Variants in ZCCHC14 observed in about 807,000 individuals in gnomAD.
ZCCHC14 encodes the protein zinc finger CCHC-type containing 14, also known as zinc finger CCHC domain-containing protein 14.
A neutral mutation model predicts 85.0 loss-of-function variants in ZCCHC14; 16 were observed. The ratio of observed to expected loss-of-function variants is 0.19; its 90% confidence interval spans 0.13 to 0.29. The LOEUF is 0.29. Ranked by LOEUF, ZCCHC14 falls within the 10% of genes least tolerant of loss-of-function variation. ZCCHC14 has a pLI of 1.00. For synonymous variants in ZCCHC14, 775 were observed against 630.7 expected (o/e 1.23, Z -3.43); for missense variants, 1,303 against 1,443.5 (o/e 0.90, Z 1.58).
chr16:87,411,814 G>A lies in ZCCHC14; in HGVS notation c.2907C>T (p.Ser969=), dbSNP rs1908458048. 1.2e-6 allele frequency: 2 copies of A among 1,611,842 alleles called. No individual in the cohort carries two copies. The highest frequency in any genetic ancestry group is 4.5e-5 in the East Asian group (2 of 44,822). ...FPFLPFSPMC[S]SGYVSAQQYG... ...ACTGCTGGGCGCTGACGTAGCCGCT[G>A]CTGCACATGGGACTGAAGGGCAAGA... is the stretch of plus-strand genomic sequence containing the variant. The change falls in exon 12 of 13, where the codon AGC becomes AGT. Residue 969 remains serine (S), a synonymous_variant. Coordinates refer to ENST00000671377, the MANE Select transcript of ZCCHC14 (RefSeq NM_015144.3).
At chr16:87,489,805 G>A (rs1378056075) in intron 1 of ZCCHC14, among the ~76,000 whole-genome samples, 1 of 152,182 alleles carries the variant, frequency 6.6e-6, no homozygotes, top group African/African-American at 2.4e-5. Flanking sequence ...TTAGCTCACT[G>A]CCCAATCAAA....
At chr16:87,414,752 T>C (rs555910070) in intron 9 of ZCCHC14, among the ~76,000 whole-genome samples, 3 of 152,320 alleles carry the variant, frequency 2.0e-5, no homozygotes, top group Admixed American at 2.0e-4. Context: ...AAAGGTCCTT[T>C]CCTGTCAAAC....
chr16:87,463,050 G>C (rs965623020), intron 1 of ZCCHC14, among the ~76,000 whole-genome samples: 1 of 150,640 alleles, frequency 6.6e-6, no homozygotes, highest in Non-Finnish European at 1.5e-5. Flanking sequence ...CCTGGGCAAC[G>C]AGAGTGAAAC....
chr16:87,476,672 G>A (rs1912017262), intron 1 of ZCCHC14, among the ~76,000 whole-genome samples: 1 of 141,876 alleles, frequency 7.0e-6, no homozygotes, highest in African/African-American at 2.7e-5. Flanking sequence ...TTTAGAAATG[G>A]CAAAACTAAT....
intron 2 of ZCCHC14, among the ~76,000 whole-genome samples, chr16:87,440,114 C>T (rs894503602): frequency 6.6e-6 from 1 of 152,158 alleles, no homozygotes; most frequent in Admixed American, 6.5e-5. Flanking sequence ...GCCTAACATG[C>T]ACTTTGAATT....
intron 12 of ZCCHC14, among the ~76,000 whole-genome samples, chr16:87,411,210 C>A (rs983036661): frequency 2.6e-5 from 4 of 152,170 alleles, no homozygotes; most frequent in Non-Finnish European, 4.4e-5. Flanking sequence ...GGGGGCAGCA[C>A]TGAATCCCTC....
intron 2 of ZCCHC14, among the ~76,000 whole-genome samples, chr16:87,445,160 A>T (rs1302045577): frequency 6.6e-6 from 1 of 151,174 alleles, no homozygotes; most frequent in Non-Finnish European, 1.5e-5. Context: ...TCTGCCTCCC[A>T]GGTTCAAGCA....
chr16:87,420,208 A>G lies in ZCCHC14; in HGVS notation c.951-331T>C, dbSNP rs189511248. ...GCCCCGGCAGCAGCACATTTACGGAACTGGTCGGCCATGTTACTTCGTGTG... is the reference window on the plus strand; with the variant it reads ...GCCCCGGCAGCAGCACATTTACGGAGCTGGTCGGCCATGTTACTTCGTGTG... On this transcript the variant is annotated intron_variant, in intron 5 of 12. Coordinates refer to ENST00000671377, the MANE Select transcript of ZCCHC14 (RefSeq NM_015144.3). This position sits in a 1 kb window ranked among gnomAD's most constrained non-coding sequence, Gnocchi z 5.0. 2.4e-3 allele frequency among the ~76,000 whole-genome samples: 373 copies of G among 152,338 alleles called. 5 individuals carry two copies. The highest frequency in any genetic ancestry group is 0.022 in the Admixed American group (344 of 15,304).
intron 3 of ZCCHC14, among the ~76,000 whole-genome samples, chr16:87,426,018 T>A (rs1401640225): frequency 6.6e-6 from 1 of 152,238 alleles, no homozygotes; most frequent in Admixed American, 6.5e-5. Flanking sequence ...CGGATACATT[T>A]TTCTCTGACT....
chr16:87,413,322 A>C, intron 10 of ZCCHC14, 127 bp from the exon 11 acceptor site: 6 of 1,344,636 alleles, frequency 4.5e-6, no homozygotes, highest in Non-Finnish European at 5.9e-6. Flanking sequence ...GAGAGTCAGA[A>C]AACGAACACG....
At chr16:87,490,389 C>T (rs1166117883) in intron 1 of ZCCHC14, among the ~76,000 whole-genome samples, 1 of 152,236 alleles carries the variant, frequency 6.6e-6, no homozygotes, top group African/African-American at 2.4e-5. Flanking sequence ...CAACCTATTC[C>T]CTTCCAAAAA....
chr16:87,443,206 A>G (rs550840776), intron 2 of ZCCHC14, among the ~76,000 whole-genome samples: 40 of 152,336 alleles, frequency 2.6e-4, no homozygotes, highest in African/African-American at 9.1e-4. Flanking sequence ...CTGTGACCGG[A>G]AGGGCAGAGG....
At chr16:87,477,380 C>T (rs1250259273) in intron 1 of ZCCHC14, among the ~76,000 whole-genome samples, 1 of 152,192 alleles carries the variant, frequency 6.6e-6, no homozygotes, top group Non-Finnish European at 1.5e-5. Flanking sequence ...ATGGATCCCG[C>T]CCAGGGCCGG....
chr16:87,427,730 C>CA (rs1231088637), intron 3 of ZCCHC14, among the ~76,000 whole-genome samples: 1 of 152,074 alleles, frequency 6.6e-6, no homozygotes, highest in Non-Finnish European at 1.5e-5. Context: ...CTTGACCTCC[C>CA]AGGCTCAAGT....
intron 5 of ZCCHC14, 66 bp from the exon 6 acceptor site, chr16:87,419,943 A>G: frequency 2.1e-6 from 3 of 1,407,468 alleles, no homozygotes; most frequent in Non-Finnish European, 2.9e-6. Context: ...TTGAAAGAAA[A>G]AAATTTAACT....
At chr16:87,479,177 G>C (rs1213978079) in intron 1 of ZCCHC14, among the ~76,000 whole-genome samples, 2 of 152,076 alleles carry the variant, frequency 1.3e-5, no homozygotes, top group Non-Finnish European at 2.9e-5. Context: ...AGCACCGTGG[G>C]AGGCTGAGGC....
intron 2 of ZCCHC14, among the ~76,000 whole-genome samples, chr16:87,453,752 T>C (rs1910822699): frequency 6.6e-6 from 1 of 152,124 alleles, no homozygotes; most frequent in African/African-American, 2.4e-5. Context: ...TCACACACAA[T>C]GGCACAATCT....
intron 1 of ZCCHC14, among the ~76,000 whole-genome samples, chr16:87,475,928 T>TA (rs202042204): frequency 0.017 from 2,528 of 152,190 alleles, 27 homozygotes; most frequent in Middle Eastern, 0.048. Flanking sequence ...ATAAATTCAA[T>TA]AAACACTTGG....
At chr16:87,469,921 CACG>C (rs1911703812) in intron 1 of ZCCHC14, among the ~76,000 whole-genome samples, 1 of 152,154 alleles carries the variant, frequency 6.6e-6, no homozygotes, top group East Asian at 1.9e-4. Flanking sequence ...GAGACTTTAC[CACG>C]ACATGTGATC....
Sources: allele counts gnomAD v4.1 joint callset (sites outside exome capture counted in the v4.1 genomes callset), GRCh38; gene constraint gnomAD v4.1.1; non-coding constraint Gnocchi (gnomAD v3.1); transcripts MANE v1.5; gene names NCBI Gene and HGNC (gene_info 2026-07-23, HGNC 2026-07-21).